The following MAIP1 variants were observed in gnomAD, a reference collection of about 807,000 sequenced individuals.
The protein encoded by MAIP1 is m-AAA protease-interacting protein 1, mitochondrial.
Under a neutral mutation model 31.2 loss-of-function variants are expected in MAIP1, and 28 were observed. The observed-to-expected ratio is 0.90, with a 90% CI of 0.67 to 1.23. The LOEUF is 1.23. MAIP1 is among the 50% of genes most tolerant of loss of function. The probability of loss-of-function intolerance (pLI) is 0.00; values close to 1 mark genes in which losing one functional copy is unlikely to be tolerated. For synonymous variants in MAIP1, 142 were observed against 142.3 expected (o/e 1.00, Z 0.02); for missense variants, 339 against 356.0 (o/e 0.95, Z 0.38).
chr2:199,963,636 C>CA, intron 4 of MAIP1, 97 bp from the exon 5 acceptor site: 1 of 709,190 alleles, frequency 1.4e-6, no homozygotes, highest in South Asian at 2.1e-5. Flanking sequence ...ATCTTGTTGC[C>CA]AAAAATTCTT....
intron 3 of MAIP1, among the ~76,000 whole-genome samples, chr2:199,961,066 T>C (rs991931520): frequency 6.6e-6 from 1 of 152,208 alleles, no homozygotes; most frequent in Non-Finnish European, 1.5e-5. Flanking sequence ...CTTTACTCTT[T>C]CTGGCAGTTG....
chr2:199,957,532 C>G (rs2077614540), intron 1 of MAIP1, among the ~76,000 whole-genome samples: 1 of 152,176 alleles, frequency 6.6e-6, no homozygotes, highest in Non-Finnish European at 1.5e-5. Flanking sequence ...ATATTTTACT[C>G]CAAATTTATT....
chr2:199,963,662 C>A, intron 4 of MAIP1, 71 bp from the exon 5 acceptor site: 1 of 900,258 alleles, frequency 1.1e-6, no homozygotes, highest in Non-Finnish European at 1.7e-6. Flanking sequence ...TATACACTTG[C>A]AAATTACATA....
rs369010342 is a variant in MAIP1 at position 199,961,776 on chromosome 2, C to G, written c.650-5C>G. 1.1e-4 allele frequency: 183 copies of G among 1,606,212 alleles called. No individual in the cohort carries two copies. Among genetic ancestry groups the G allele is most frequent in the Non-Finnish European group, 1.4e-4 (164 of 1,177,012 alleles). On this transcript the variant is annotated splice_region_variant and splice_polypyrimidine_tract_variant and intron_variant, in intron 3 of 4. Coordinates refer to ENST00000392290, the MANE Select transcript of MAIP1 (RefSeq NM_001394955.1). ...TCGTATGTGTGTATATGTTTTTTCT[C>G]TAAGGAAGGAAGTTTGTTAACATCC...
rs767634743 is a variant in MAIP1 at position 199,957,447 on chromosome 2, C to T, written c.450+1199C>T. 2.0e-5 allele frequency among the ~76,000 whole-genome samples: 3 copies of T among 152,156 alleles called. 1 individual carries two copies. Among genetic ancestry groups the T allele is most frequent in the Non-Finnish European group, 4.4e-5 (3 of 68,016 alleles). Reference sequence around the variant, plus strand: ...TAGAAGTCAGAAAGTTTATTTCCCGCTTCATACCTCCATATGCCTTAAAAC... The same window carrying T: ...TAGAAGTCAGAAAGTTTATTTCCCGTTTCATACCTCCATATGCCTTAAAAC... On this transcript the variant is annotated intron_variant, in intron 1 of 4. Transcript: ENST00000392290.
rs780971649 is a variant in MAIP1, at chr2:199,955,780, G to C, written c.-19G>C. The stretch of plus-strand genomic sequence containing the variant: ...TTTCCATACAGCACCGGCAGGCACC[G>C]GTGTGAAGGGTCATAAAAATGGCGC... On this transcript the variant is annotated 5_prime_UTR_variant, in exon 1 of 5. Transcript: ENST00000392290. 1.3e-6 allele frequency: 2 copies of C among 1,512,640 alleles called. No homozygotes were observed. The highest frequency in any genetic ancestry group is 4.6e-5 in the East Asian group (2 of 43,938). The allele number at this position is 1,512,640 out of a possible 1,614,324, so 93.7% of individuals were successfully genotyped here.
At chr2:199,959,629 A>T in intron 2 of MAIP1, 125 bp from the exon 3 acceptor site, 1 of 760,236 alleles carries the variant, frequency 1.3e-6, no homozygotes, top group Non-Finnish European at 2.1e-6. Context: ...GCTTTTGAGG[A>T]TGAGTAAATA....
chr2:199,958,518 G>A (rs1260925613), intron 1 of MAIP1, among the ~76,000 whole-genome samples: 1 of 152,076 alleles, frequency 6.6e-6, no homozygotes, highest in Non-Finnish European at 1.5e-5. Context: ...TCTTCCTTTA[G>A]GAAGCCCTCT....
intron 4 of MAIP1, among the ~76,000 whole-genome samples, chr2:199,962,164 A>C (rs2077640237): frequency 6.6e-6 from 1 of 152,244 alleles, no homozygotes; most frequent in Admixed American, 6.5e-5. Flanking sequence ...TGCTTAACAA[A>C]CTACCCCCAA....
intron 1 of MAIP1, among the ~76,000 whole-genome samples, chr2:199,958,450 A>T (rs2077619472): frequency 6.6e-6 from 1 of 152,172 alleles, no homozygotes. Flanking sequence ...ATTCTCTGAC[A>T]TGCCATATCT....
At chr2:199,959,220 G>C in intron 1 of MAIP1, 48 bp from the exon 2 acceptor site, 1 of 899,642 alleles carries the variant, frequency 1.1e-6, no homozygotes, top group Non-Finnish European at 1.9e-6. Context: ...ACATGGTATG[G>C]TATTTTGAAA....
intron 4 of MAIP1, 111 bp from the exon 5 acceptor site, chr2:199,963,622 C>T: frequency 5.2e-6 from 3 of 572,318 alleles, no homozygotes; most frequent in Admixed American, 3.3e-5. Context: ...TAATATTAAC[C>T]ATTATCTTGT....
chr2:199,956,030 A>T lies in MAIP1; in HGVS notation c.232A>T (p.Ser78Cys). 6.2e-7 allele frequency: 1 copy of T among 1,609,746 alleles called. No individual in the cohort carries two copies. Among genetic ancestry groups the T allele is most frequent in the African/African-American group, 1.3e-5 (1 of 74,946 alleles). ...GGGCTCCCGGTGGCCAGTGCTCAGC[A>T]GCCCGGGACTCCCCGCAGCCTTCGC... ...AQGSRWPVLS[S>C]PGLPAAFASF... Residue 78 changes from serine to cysteine, a missense_variant, in exon 1 of 5, where the codon AGC becomes TGC. Ser to Cys is a moderately radical substitution (Grantham distance 112). Coordinates refer to ENST00000392290, the MANE Select transcript of MAIP1 (RefSeq NM_001394955.1).
intron 3 of MAIP1, among the ~76,000 whole-genome samples, chr2:199,960,584 A>G (rs569418561): frequency 2.6e-5 from 4 of 152,366 alleles, no homozygotes; most frequent in African/African-American, 9.6e-5. Context: ...CCTCAATAAT[A>G]CAGTATAACA....
chr2:199,960,842 C>G (rs2077631859), intron 3 of MAIP1, among the ~76,000 whole-genome samples: 1 of 152,106 alleles, frequency 6.6e-6, no homozygotes, highest in Non-Finnish European at 1.5e-5. Context: ...TTATACACTT[C>G]CCAAGATGGA....
At chr2:199,963,698 T>C in intron 4 of MAIP1, 35 bp from the exon 5 acceptor site, 1 of 1,303,694 alleles carries the variant, frequency 7.7e-7, no homozygotes, top group Non-Finnish European at 1.1e-6. Context: ...CTTGGACTGA[T>C]GTAAGATTTA....
rs1352690702 is a variant in MAIP1 at position 199,955,640 on chromosome 2, G to GC, written c.-158dup. The GC allele has an allele frequency of 8.8e-7, 1 of 1,138,462 alleles. No homozygotes were observed. The highest frequency in any genetic ancestry group is 1.2e-6 in the Non-Finnish European group (1 of 820,470). The allele number at this position is 1,138,462 out of a possible 1,614,324, so 70.5% of individuals were successfully genotyped here. On this transcript the variant is annotated 5_prime_UTR_variant, in exon 1 of 5. Transcript: ENST00000392290. ...GGGTTGCCGAAGGGCCTCGGCCTGG[G>GC]CTGCGTGCTGGAGAGCGGGGACGGG... is the stretch of plus-strand genomic sequence containing the variant.
Position 199,959,759 on chromosome 2 carries a change from A to G in MAIP1, c.528A>G (p.Leu176=), listed in dbSNP as rs1443736603. 3.1e-6 allele frequency: 5 copies of G among 1,611,572 alleles called. No homozygotes were observed. Among genetic ancestry groups the G allele is most frequent in the African/African-American group, 1.3e-5 (1 of 74,852 alleles). The part of the protein sequence containing the change: ...LLEELVAKEV[L]HALKEKVTSL... ...CTTGCTTTTTTCAAACTTAGGTGCT[A>G]CATGCATTGAAAGAAAAGGTTACTT... Residue 176 remains leucine (L), a synonymous_variant, in exon 3 of 5, where the codon CTA becomes CTG. Coordinates refer to ENST00000392290, the MANE Select transcript of MAIP1 (RefSeq NM_001394955.1).
At chr2:199,959,625 G>A in intron 2 of MAIP1, 129 bp from the exon 3 acceptor site, 1 of 742,204 alleles carries the variant, frequency 1.3e-6, no homozygotes, top group Non-Finnish European at 2.2e-6. Flanking sequence ...CCTTGCTTTT[G>A]AGGATGAGTA....
Sources: gnomAD v4.1 joint callset for allele counts (sites outside exome capture counted in the v4.1 genomes callset) on GRCh38, gnomAD v4.1.1 for gene constraint, MANE v1.5 for transcripts, NCBI Gene and HGNC (gene_info 2026-07-23, HGNC 2026-07-21) for gene names.